USH2A: variants seen among roughly 807,000 people sequenced by gnomAD.
The protein encoded by USH2A is Usher syndrome 2A (autosomal recessive, mild).
USH2A carries 443 observed loss-of-function variants against 538.9 expected under a neutral mutation model. The ratio of observed to expected loss-of-function variants is 0.82; its 90% CI spans 0.76 to 0.89. USH2A has a LOEUF of 0.89. Among genes scored for constraint, USH2A ranks in the 40% least tolerant of loss-of-function variants. USH2A has a pLI of 0.00. For synonymous variants in USH2A, 2,413 were observed against 2,273.5 expected (o/e 1.06, Z -1.75); for missense variants, 6,633 against 6,324.8 (o/e 1.05, Z -1.65).
At chr1:216,006,257 G>C (rs747555085) in intron 32 of USH2A, among the ~76,000 whole-genome samples, 3 of 152,068 alleles carry the variant, frequency 2.0e-5, no homozygotes, top group African/African-American at 7.2e-5. Context: ...TGCACTCTCT[G>C]ACCACAAACT....
At chr1:216,371,521 T>C (rs1236206354) in intron 3 of USH2A, among the ~76,000 whole-genome samples, 1 of 152,218 alleles carries the variant, frequency 6.6e-6, no homozygotes, top group Non-Finnish European at 1.5e-5. Context: ...GTCTTTTTTT[T>C]CCTGCTTACA....
intron 11 of USH2A, among the ~76,000 whole-genome samples, chr1:216,253,744 AAAAC>A (rs763383151): frequency 4.6e-5 from 7 of 152,236 alleles, no homozygotes; most frequent in Non-Finnish European, 1.0e-4. Context: ...AGTCTTGTTC[AAAAC>A]AAACAAACAA....
intron 4 of USH2A, among the ~76,000 whole-genome samples, chr1:216,341,605 T>C (rs977647460): frequency 6.6e-6 from 1 of 151,830 alleles, no homozygotes; most frequent in Non-Finnish European, 1.5e-5. Context: ...ATACTACAAG[T>C]CTACAGTAAC....
chr1:216,190,496 G>T, intron 19 of USH2A, 129 bp from the exon 20 acceptor site: 1 of 1,259,114 alleles, frequency 7.9e-7, no homozygotes, highest in Non-Finnish European at 1.1e-6. Context: ...ATTAGGAAAA[G>T]GGTTTTTTTT....
chr1:216,043,855 C>T (rs933059130), intron 32 of USH2A, among the ~76,000 whole-genome samples: 5 of 152,030 alleles, frequency 3.3e-5, no homozygotes, highest in East Asian at 1.9e-4. Flanking sequence ...ATGCAGCTTT[C>T]GTTTAGGCGC....
At chr1:215,747,378 C>T (rs991261094) in intron 58 of USH2A, among the ~76,000 whole-genome samples, 1 of 152,150 alleles carries the variant, frequency 6.6e-6, no homozygotes, top group Non-Finnish European at 1.5e-5. Flanking sequence ...GGTGAATACA[C>T]ATAATAGGCC....
intron 61 of USH2A, among the ~76,000 whole-genome samples, chr1:215,716,015 T>G (rs4655423): frequency 0.17 from 26,380 of 152,260 alleles, 2,396 homozygotes; most frequent in East Asian, 0.31. Context: ...CTGTCTATAC[T>G]TAGAGAGTTG....
intron 44 of USH2A, among the ~76,000 whole-genome samples, chr1:215,856,843 G>A (rs1664184174): frequency 8.5e-6 from 1 of 116,970 alleles, no homozygotes; most frequent in Admixed American, 7.9e-5. Context: ...GTGTGTGTGT[G>A]TGTGTGTGTG....
chr1:215,819,851 T>A (rs1239192767), intron 47 of USH2A, among the ~76,000 whole-genome samples: 4 of 151,798 alleles, frequency 2.6e-5, no homozygotes, highest in African/African-American at 9.7e-5. Context: ...AAGAAGAGTA[T>A]TGGGTTTAAC....
In USH2A at chr1:216,418,649, C is replaced by T. The variant is rs373781412; in HGVS notation, c.516G>A (p.Gln172=). ...CAGATATTGTAAGTTTGAACACAATCTGCCCATCTACTGTCTTTTCTATAA... is the reference window on the plus strand; with the variant it reads ...CAGATATTGTAAGTTTGAACACAATTTGCCCATCTACTGTCTTTTCTATAA... The part of the protein sequence containing the change: ...MCVIEKTVDG[Q]IVFKLTISEK... Residue 172 remains glutamine, a synonymous_variant, in exon 3 of 72, where the codon CAG becomes CAA. Transcript: ENST00000307340. 7 of 1,613,210 alleles carry T rather than the reference C, an allele frequency of 4.3e-6. No individual in the cohort carries two copies. Among genetic ancestry groups the T allele is most frequent in the Non-Finnish European group, 5.9e-6 (7 of 1,179,498 alleles).
chr1:215,669,645 A>ACT, intron 64 of USH2A, among the ~76,000 whole-genome samples: 1 of 152,340 alleles, frequency 6.6e-6, no homozygotes, highest in Middle Eastern at 3.4e-3. Flanking sequence ...TTTGTTGCCA[A>ACT]ATGACTTGTG....
chr1:216,292,687 G>A (rs1175770799), intron 9 of USH2A, among the ~76,000 whole-genome samples: 2 of 151,966 alleles, frequency 1.3e-5, no homozygotes, highest in Non-Finnish European at 2.9e-5. Flanking sequence ...GAGATACAAC[G>A]TGTAATCATC....
intron 21 of USH2A, among the ~76,000 whole-genome samples, chr1:216,115,840 A>G (rs2032995959): frequency 6.6e-6 from 1 of 151,916 alleles, no homozygotes; most frequent in Non-Finnish European, 1.5e-5. Flanking sequence ...ACATTGAATT[A>G]TGAATTGTAG....
chr1:215,811,988 T>TG (rs1662705848), intron 49 of USH2A, among the ~76,000 whole-genome samples: 1 of 135,468 alleles, frequency 7.4e-6, no homozygotes, highest in South Asian at 2.6e-4. Flanking sequence ...AGGGTTTTTT[T>TG]TTTTTTTTTT....
intron 21 of USH2A, among the ~76,000 whole-genome samples, chr1:216,153,299 C>A (rs2033875896): frequency 6.6e-6 from 1 of 152,162 alleles, no homozygotes; most frequent in Admixed American, 6.5e-5. Flanking sequence ...CTTTGGGAGT[C>A]ACAAGCACCC....
At chr1:216,305,150 C>G (rs1320653567) in intron 9 of USH2A, among the ~76,000 whole-genome samples, 1 of 151,984 alleles carries the variant, frequency 6.6e-6, no homozygotes, top group Non-Finnish European at 1.5e-5. Context: ...TGCTGTTTAT[C>G]TCATTTCTTA....
intron 3 of USH2A, among the ~76,000 whole-genome samples, chr1:216,395,653 T>C (rs2039198575): frequency 6.6e-6 from 1 of 152,204 alleles, no homozygotes; most frequent in Non-Finnish European, 1.5e-5. Flanking sequence ...GAAGTTTCTC[T>C]CCACCAAGGC....
rs371448542 is a variant in USH2A at position 216,379,575 on chromosome 1, C to G, written c.652-14490G>C. On this transcript the variant is annotated intron_variant, in intron 3 of 71. Transcript: ENST00000307340. The stretch of plus-strand genomic sequence containing the variant: ...TTCACTGTTCCATTAGACTTTTAAA[C>G]TACCAGGAATCAGTGTCTAAGTCAT... 9.2e-5 allele frequency among the ~76,000 whole-genome samples: 14 copies of G among 152,242 alleles called. No individual in the cohort carries two copies. In the East Asian group the frequency reaches 2.5e-3, roughly 27 times the overall value.
At chr1:215,847,767 G>A (rs1663905160) in intron 44 of USH2A, among the ~76,000 whole-genome samples, 2 of 152,080 alleles carry the variant, frequency 1.3e-5, no homozygotes, top group Non-Finnish European at 2.9e-5. Context: ...CCCAGCATAT[G>A]GCCATATAAA....
Sources: allele counts gnomAD v4.1 joint callset (sites outside exome capture counted in the v4.1 genomes callset), GRCh38; gene constraint gnomAD v4.1.1; transcripts MANE v1.5; gene names NCBI Gene and HGNC (gene_info 2026-07-23, HGNC 2026-07-21).